RIPOR3: variants seen among roughly 807,000 people sequenced by gnomAD.
The protein encoded by RIPOR3 is RIPOR family member 3, also known as family with sequence similarity 65 member C.
In RIPOR3, 95 loss-of-function variants were observed where a neutral mutation model predicts 114.3. The ratio of observed to expected loss-of-function variants is 0.83; its 90% CI spans 0.70 to 0.99. RIPOR3 has a LOEUF of 0.99. Among genes scored for constraint, RIPOR3 ranks in the 50% least tolerant of loss-of-function variants. The pLI is 0.00. For synonymous variants in RIPOR3, 575 were observed against 543.8 expected (o/e 1.06, Z -0.80); for missense variants, 1,252 against 1,266.9 (o/e 0.99, Z 0.18).
chr20:50,596,131 C>T lies in RIPOR3; in HGVS notation c.1914+9G>A, dbSNP rs1381627804. Reference sequence around the variant, plus strand: ...TGCCCCTCCCTGACAAGTCCCCTAGCCCAGCCACCTGCAGCAGAGCTTTGC... The same window carrying T: ...TGCCCCTCCCTGACAAGTCCCCTAGTCCAGCCACCTGCAGCAGAGCTTTGC... On this transcript the variant is annotated intron_variant, in intron 15 of 21. Coordinates refer to ENST00000327979, the MANE Select transcript of RIPOR3 (RefSeq NM_001290268.2). 1.9e-6 allele frequency: 3 copies of T among 1,614,106 alleles called. No individual in the cohort carries two copies. The highest frequency in any genetic ancestry group is 8.5e-7 in the Non-Finnish European group (1 of 1,180,010).
chr20:50,680,575 G>C (rs1043410556), intron 1 of RIPOR3, among the ~76,000 whole-genome samples: 1 of 152,240 alleles, frequency 6.6e-6, no homozygotes, highest in Non-Finnish European at 1.5e-5. Flanking sequence ...CAGACGTGTC[G>C]TGTGCAGCCG....
intron 4 of RIPOR3, among the ~76,000 whole-genome samples, chr20:50,614,385 A>T (rs1034267873): frequency 6.6e-6 from 1 of 152,132 alleles, no homozygotes; most frequent in Non-Finnish European, 1.5e-5. Context: ...TCGCTTTCCC[A>T]GTCCCTCAGT....
intron 1 of RIPOR3, among the ~76,000 whole-genome samples, chr20:50,650,091 T>C (rs1262690306): frequency 6.6e-6 from 1 of 152,146 alleles, no homozygotes; most frequent in Non-Finnish European, 1.5e-5. Flanking sequence ...TCAGGGTGAC[T>C]GCATGGTAAG....
rs1312875679 is a variant in RIPOR3, at chr20:50,602,825, AT to A, written c.1087-182del. 6.6e-5 allele frequency among the ~76,000 whole-genome samples: 10 copies of A among 152,124 alleles called. No individual in the cohort carries two copies. The East Asian group carries it at 1.2e-3, about 18-fold the overall frequency. On this transcript the variant is annotated intron_variant, in intron 12 of 21. Transcript: ENST00000327979. The surrounding 1 kb of genome is among the most constrained non-coding windows in gnomAD (Gnocchi z 4.3). ...AAAACCCTGTCCCCTCTCTGCACTTATCCCCCATCCCGCCTCCAACTCACTC... is the reference window on the plus strand; with the variant it reads ...AAAACCCTGTCCCCTCTCTGCACTTACCCCCATCCCGCCTCCAACTCACTC...
At chr20:50,615,146 T>TGTGTGTGTGTGTGTGTGTG (rs2084121062) in intron 4 of RIPOR3, among the ~76,000 whole-genome samples, 2 of 149,794 alleles carry the variant, frequency 1.3e-5, no homozygotes, top group African/African-American at 4.9e-5. Context: ...TGTGTGTGTG[T>TGTGTGTGTGTGTGTGTGTG]TGCTAAGTCG....
intron 1 of RIPOR3, among the ~76,000 whole-genome samples, chr20:50,668,459 C>A (rs2086334935): frequency 6.6e-6 from 1 of 152,174 alleles, no homozygotes; most frequent in Non-Finnish European, 1.5e-5. Context: ...AGGCCCCAAC[C>A]TTTGCGCCTC....
chr20:50,594,482 C>T (rs989599108), intron 17 of RIPOR3, 71 bp downstream of exon 17: 4 of 1,539,604 alleles, frequency 2.6e-6, no homozygotes, highest in Non-Finnish European at 3.5e-6. Flanking sequence ...CAGCTGTGGC[C>T]ACCCTGAAGG....
intron 2 of RIPOR3, among the ~76,000 whole-genome samples, chr20:50,626,216 A>T (rs1363681725): frequency 6.6e-6 from 1 of 152,214 alleles, no homozygotes; most frequent in Non-Finnish European, 1.5e-5. Flanking sequence ...AAATAGATGC[A>T]CCGCTTCCCC....
intron 1 of RIPOR3, among the ~76,000 whole-genome samples, chr20:50,666,315 C>T (rs921774585): frequency 6.8e-6 from 1 of 147,968 alleles, no homozygotes; most frequent in Non-Finnish European, 1.5e-5. Context: ...ATCTCCGTCT[C>T]CCGGGTTCAA....
chr20:50,633,988 T>C (rs375983745), intron 1 of RIPOR3, among the ~76,000 whole-genome samples: 24,021 of 146,730 alleles, frequency 0.16, 2,332 homozygotes, highest in African/African-American at 0.27. Flanking sequence ...TTCTTTTTTT[T>C]TTTTTTTTTT....
At chr20:50,589,890 C>A in intron 19 of RIPOR3, 121 bp from the exon 20 acceptor site, 2 of 786,190 alleles carry the variant, frequency 2.5e-6, no homozygotes, top group South Asian at 1.5e-5. Context: ...CTCTAAACAA[C>A]GTTCAGGACA....
chr20:50,605,025 C>T (rs549463862), intron 11 of RIPOR3, among the ~76,000 whole-genome samples: 15 of 152,322 alleles, frequency 9.8e-5, no homozygotes, highest in African/African-American at 3.6e-4. Flanking sequence ...TGGGTTCAAG[C>T]GATCCTCCTG....
intron 14 of RIPOR3, 44 bp from the exon 15 acceptor site, chr20:50,596,307 C>T: frequency 4.3e-6 from 7 of 1,612,042 alleles, no homozygotes; most frequent in Non-Finnish European, 5.9e-6. Context: ...GTTAGCAGTT[C>T]AGCTCCCTCT....
At chr20:50,676,862 C>T (rs2086694020) in intron 1 of RIPOR3, among the ~76,000 whole-genome samples, 1 of 151,466 alleles carries the variant, frequency 6.6e-6, no homozygotes, top group Non-Finnish European at 1.5e-5. Flanking sequence ...CCTCATTCTC[C>T]CAAAGTGCTA....
chr20:50,622,037 G>T (rs958938340), intron 2 of RIPOR3, among the ~76,000 whole-genome samples: 1 of 152,152 alleles, frequency 6.6e-6, no homozygotes, highest in African/African-American at 2.4e-5. Context: ...TGCAGCCTTT[G>T]CTCACCAACA....
In RIPOR3 at chr20:50,602,011, G is replaced by A. The variant is rs1601477131; in HGVS notation, c.1659+61C>T. 6.4e-6 allele frequency: 9 copies of A among 1,414,736 alleles called. No homozygotes were observed. The highest frequency in any genetic ancestry group is 2.5e-5 in the East Asian group (1 of 39,350). 87.6% of individuals were successfully genotyped at this position (1,414,736 alleles called of 1,614,324 possible). Reference sequence around the variant, plus strand: ...CAGGCTGCGTGGCCCCAGAGCCCCCGACTCCCAGTCATCATGCCATCAGCA... The same window carrying A: ...CAGGCTGCGTGGCCCCAGAGCCCCCAACTCCCAGTCATCATGCCATCAGCA... On this transcript the variant is annotated intron_variant, in intron 13 of 21. Transcript: ENST00000327979. This position sits in a 1 kb window ranked among gnomAD's most constrained non-coding sequence, Gnocchi z 4.3.
At position 50,691,229 on chromosome 20, in the gene RIPOR3, G is replaced by A. The variant is rs937019354; in HGVS notation, c.-101C>T. On this transcript the variant is annotated 5_prime_UTR_variant, in exon 1 of 22. Transcript: ENST00000327979. ...AAGCGTCTGCTCCCATCTGGCCCGG[G>A]ACTCCCGGACTCGAGCTAGGGCTCT... is the stretch of plus-strand genomic sequence containing the variant. 7 of 1,279,094 alleles carry A rather than the reference G, an allele frequency of 5.5e-6. No homozygotes were observed. The African/African-American group carries it at 1.1e-4, about 19-fold the overall frequency. The allele number at this position is 1,279,094 out of a possible 1,614,324, so 79.2% of individuals were successfully genotyped here.
intron 1 of RIPOR3, among the ~76,000 whole-genome samples, chr20:50,644,698 T>C (rs1282601354): frequency 7.4e-5 from 10 of 135,880 alleles, no homozygotes; most frequent in Non-Finnish European, 1.4e-4. Context: ...TTTTTTTTTT[T>C]TTTTGTAGAG....
intron 1 of RIPOR3, among the ~76,000 whole-genome samples, chr20:50,685,793 C>T (rs1006791983): frequency 7.5e-6 from 1 of 133,914 alleles, no homozygotes; most frequent in African/African-American, 2.8e-5. Flanking sequence ...GCACTCTAGC[C>T]TGGGTGACAG....
Sources: gnomAD v4.1 joint callset for allele counts (sites outside exome capture counted in the v4.1 genomes callset) on GRCh38, gnomAD v4.1.1 for gene constraint, Gnocchi (gnomAD v3.1) non-coding constraint, MANE v1.5 for transcripts, NCBI Gene and HGNC (gene_info 2026-07-23, HGNC 2026-07-21) for gene names.